The following NR2F1-AS1 variants were observed in gnomAD, a reference collection of about 807,000 sequenced individuals.
NR2F1-AS1 encodes NR2F1 regulatory antisense RNA 1, also known as NR2F1 antisense RNA 1.
intron 4 of NR2F1-AS1, among the ~76,000 whole-genome samples, chr5:93,469,913 G>C (rs915675002): frequency 6.6e-6 from 1 of 151,922 alleles, no homozygotes; most frequent in African/African-American, 2.4e-5. Context: ...TAGAAAATGT[G>C]ACAAGTGCAA....
intron 4 of NR2F1-AS1, among the ~76,000 whole-genome samples, chr5:93,412,458 G>C (rs974769973): frequency 2.0e-5 from 3 of 152,196 alleles, no homozygotes; most frequent in Non-Finnish European, 2.9e-5. Context: ...GCAGACCATA[G>C]AGAAGCAACT....
chr5:93,438,122 G>A (rs1033587444), intron 4 of NR2F1-AS1, among the ~76,000 whole-genome samples: 11 of 152,146 alleles, frequency 7.2e-5, no homozygotes, highest in South Asian at 2.1e-4. Flanking sequence ...CAGGTCCACC[G>A]TGTACACAGC....
intron 4 of NR2F1-AS1, among the ~76,000 whole-genome samples, chr5:93,512,773 C>T (rs2149891574): frequency 6.6e-6 from 1 of 152,258 alleles, no homozygotes; most frequent in African/African-American, 2.4e-5. Context: ...GTACTAAGCA[C>T]ATTAACATGC....
At chr5:93,512,546 TAA>T (rs1412286061) in intron 4 of NR2F1-AS1, among the ~76,000 whole-genome samples, 1 of 152,184 alleles carries the variant, frequency 6.6e-6, no homozygotes, top group Non-Finnish European at 1.5e-5. Context: ...ACAGTGCTTA[TAA>T]AGTCTACAGT....
At chr5:93,546,147 G>A (rs1034197579) in intron 4 of NR2F1-AS1, among the ~76,000 whole-genome samples, 2 of 152,204 alleles carry the variant, frequency 1.3e-5, no homozygotes, top group Non-Finnish European at 1.5e-5. Context: ...GAATCAGAGA[G>A]AAGGTTTGTA....
chr5:93,451,458 A>G (rs2149857801), intron 4 of NR2F1-AS1, among the ~76,000 whole-genome samples: 1 of 152,206 alleles, frequency 6.6e-6, no homozygotes, highest in East Asian at 1.9e-4. Flanking sequence ...GCTGGAGTGC[A>G]GCAGTGCCAT....
Position 93,573,404 on chromosome 5 carries a change from G to A in NR2F1-AS1, n.313+7063C>T, listed in dbSNP as rs1213778782. The stretch of plus-strand genomic sequence containing the variant: ...AAGGGGATTCACTGGGGACTTCCGC[G>A]GCCTTTGCCCAGATGCGCCTTTCCA... On this transcript the variant is annotated intron_variant and non_coding_transcript_variant, in intron 1 of 5. Transcript: ENST00000660523. Among the ~76,000 whole-genome samples the A allele has an allele frequency of 2.0e-5, 3 of 152,110 alleles. No individual in the cohort carries two copies. The South Asian group carries it at 6.2e-4, about 32-fold the overall frequency.
intron 4 of NR2F1-AS1, among the ~76,000 whole-genome samples, chr5:93,541,366 G>A (rs1751946690): frequency 6.6e-6 from 1 of 152,098 alleles, no homozygotes; most frequent in Non-Finnish European, 1.5e-5. Context: ...TTTCCTCCTG[G>A]GAACAACAGT....
intron 4 of NR2F1-AS1, among the ~76,000 whole-genome samples, chr5:93,441,327 C>A (rs908148779): frequency 6.6e-6 from 1 of 152,192 alleles, no homozygotes; most frequent in Non-Finnish European, 1.5e-5. Context: ...GAAAGAGAAG[C>A]TTAGAATGCT....
At chr5:93,510,212 C>T (rs1751267073) in intron 4 of NR2F1-AS1, among the ~76,000 whole-genome samples, 1 of 152,056 alleles carries the variant, frequency 6.6e-6, no homozygotes, top group African/African-American at 2.4e-5. Context: ...TTTATATTAA[C>T]TTTGTGTGTT....
At chr5:93,457,274 G>A (rs993567583) in intron 4 of NR2F1-AS1, among the ~76,000 whole-genome samples, 1 of 152,148 alleles carries the variant, frequency 6.6e-6, no homozygotes, top group Admixed American at 6.5e-5. Context: ...AGAGGTCCCT[G>A]CAGCCTTCCA....
At chr5:93,471,848 C>T (rs1424290054) in intron 4 of NR2F1-AS1, among the ~76,000 whole-genome samples, 1 of 151,806 alleles carries the variant, frequency 6.6e-6, no homozygotes. Context: ...ATTAGGAGAG[C>T]ATTTATGTTA....
At chr5:93,537,996 C>T (rs1209085511) in intron 4 of NR2F1-AS1, among the ~76,000 whole-genome samples, 3 of 152,062 alleles carry the variant, frequency 2.0e-5, no homozygotes, top group Admixed American at 2.0e-4. Context: ...GGCATATATA[C>T]ATAGTCCAGC....
chr5:93,429,242 C>T (rs775731602), intron 4 of NR2F1-AS1, among the ~76,000 whole-genome samples: 1 of 152,060 alleles, frequency 6.6e-6, no homozygotes, highest in Non-Finnish European at 1.5e-5. Context: ...CAAACAGATA[C>T]AGCAATTATA....
intron 4 of NR2F1-AS1, among the ~76,000 whole-genome samples, chr5:93,483,129 C>T (rs1374890591): frequency 6.6e-6 from 1 of 152,122 alleles, no homozygotes; most frequent in Non-Finnish European, 1.5e-5. Flanking sequence ...CAAGTTGGTC[C>T]CTGACCCCCA....
At chr5:93,584,664 G>A (rs1314423790), upstream of NR2F1-AS1, 1 of 147,604 alleles carries the variant, frequency 6.8e-6, no homozygotes, top group African/African-American at 2.5e-5. Flanking sequence ...CCCAGGAACG[G>A]AGCGCGGGGG....
intron 4 of NR2F1-AS1, among the ~76,000 whole-genome samples, chr5:93,495,624 A>G (rs1750942808): frequency 6.6e-6 from 1 of 152,082 alleles, no homozygotes; most frequent in Non-Finnish European, 1.5e-5. Flanking sequence ...GTTTTACTCT[A>G]TTTGGAAAAA....
At chr5:93,537,691 A>T (rs116172101) in intron 4 of NR2F1-AS1, among the ~76,000 whole-genome samples, 1 of 152,246 alleles carries the variant, frequency 6.6e-6, no homozygotes, top group Non-Finnish European at 1.5e-5. Flanking sequence ...AAAGAAACAC[A>T]CTGTTAACAG....
intron 4 of NR2F1-AS1, among the ~76,000 whole-genome samples, chr5:93,444,334 C>T (rs1749643541): frequency 6.6e-6 from 1 of 151,808 alleles, no homozygotes; most frequent in East Asian, 1.9e-4. Context: ...CACACAGGCT[C>T]AAAATAAAGG....
Sources: allele counts gnomAD v4.1 joint callset (sites outside exome capture counted in the v4.1 genomes callset), GRCh38; gene constraint gnomAD v4.1.1; transcripts MANE v1.5; gene names NCBI Gene and HGNC (gene_info 2026-07-23, HGNC 2026-07-21).